FOXK1: variants seen among roughly 807,000 people sequenced by gnomAD.
FOXK1 encodes the protein forkhead box K1.
In FOXK1, 19 loss-of-function variants were observed where a neutral mutation model predicts 51.9. The ratio of observed to expected loss-of-function variants is 0.37; its 90% confidence interval spans 0.26 to 0.54. FOXK1 has a LOEUF of 0.54. Among genes scored for constraint, FOXK1 ranks in the 20% least tolerant of loss-of-function variants. The pLI is 0.87. For synonymous variants in FOXK1, 537 were observed against 482.6 expected (o/e 1.11, Z -1.48); for missense variants, 870 against 1,032.7 (o/e 0.84, Z 2.16).
At position 4,747,631 on chromosome 7, in the gene FOXK1, G is replaced by T. The variant is rs573584760; in HGVS notation, c.746+6608G>T. 6.6e-6 allele frequency among the ~76,000 whole-genome samples: 1 copy of T among 151,572 alleles called. No homozygotes were observed. Among genetic ancestry groups the T allele is most frequent in the Non-Finnish European group, 1.5e-5 (1 of 67,894 alleles). On this transcript the variant is annotated intron_variant, in intron 2 of 8. Coordinates refer to ENST00000328914, the MANE Select transcript of FOXK1 (RefSeq NM_001037165.2). This position sits in a 1 kb window ranked among gnomAD's most constrained non-coding sequence, Gnocchi z 9.2. The stretch of plus-strand genomic sequence containing the variant: ...GCTCACTGCAACCTCAACCTCCCGG[G>T]CTCAAGCGATCCTCCCACTGCAGCC...
chr7:4,732,549 C>T (rs1225940205), intron 1 of FOXK1, among the ~76,000 whole-genome samples: 2 of 152,184 alleles, frequency 1.3e-5, no homozygotes, highest in African/African-American at 4.8e-5. Flanking sequence ...CCACCTCAGC[C>T]TTCCAAAGCG....
intron 1 of FOXK1, among the ~76,000 whole-genome samples, chr7:4,694,935 G>A (rs1779934499): frequency 6.6e-6 from 1 of 152,226 alleles, no homozygotes; most frequent in Non-Finnish European, 1.5e-5. Context: ...TGAAATTAGG[G>A]AACCTCCTGC....
At chr7:4,744,688 A>T (rs1440081003) in intron 2 of FOXK1, among the ~76,000 whole-genome samples, 1 of 152,226 alleles carries the variant, frequency 6.6e-6, no homozygotes, top group Non-Finnish European at 1.5e-5. Flanking sequence ...TGTGACTGCG[A>T]GTCCCCGTCA....
chr7:4,683,442 C>T lies in FOXK1; in HGVS notation c.560+574C>T, dbSNP rs1326582050. Among the ~76,000 whole-genome samples, 2 of 151,948 alleles carry T rather than the reference C, an allele frequency of 1.3e-5. No homozygotes were observed. Among genetic ancestry groups the T allele is most frequent in the Non-Finnish European group, 2.9e-5 (2 of 67,942 alleles). On this transcript the variant is annotated intron_variant, in intron 1 of 8. Transcript: ENST00000328914. This position sits in a 1 kb window ranked among gnomAD's most constrained non-coding sequence, Gnocchi z 4.5. ...CTTCCTAGGCCCCCCCGGAGTCACC[C>T]CTGACCGCTAACCCCACAAGCCTGG...
In FOXK1 at chr7:4,759,293, T is replaced by C; in HGVS notation, c.1412-18T>C. ...GGGTGCGGGAGGGGTCACCGTCCGC[T>C]CTCCGCCCTCCGTGCAGGCTCCCCC... On this transcript the variant is annotated intron_variant, in intron 6 of 8. Transcript: ENST00000328914. 2 of 1,601,672 alleles carry C rather than the reference T, an allele frequency of 1.2e-6. No individual in the cohort carries two copies. The highest frequency in any genetic ancestry group is 1.1e-5 in the South Asian group (1 of 90,810).
chr7:4,726,058 G>A (rs1780377417), intron 1 of FOXK1, among the ~76,000 whole-genome samples: 3 of 152,066 alleles, frequency 2.0e-5, no homozygotes, highest in African/African-American at 7.2e-5. Flanking sequence ...CTCTCTGTTG[G>A]GGTGTGATTG....
At position 4,739,097 on chromosome 7, in the gene FOXK1, A is replaced by G. The variant is rs113410460; in HGVS notation, c.561-1741A>G. On this transcript the variant is annotated intron_variant, in intron 1 of 8. Coordinates refer to ENST00000328914, the MANE Select transcript of FOXK1 (RefSeq NM_001037165.2). ...GAGGGGTGTCTGCGCACGTCCATGC[A>G]GGATTTTACGTAGATTGACTATTTA... Among the ~76,000 whole-genome samples the G allele has an allele frequency of 3.4e-3, 524 of 152,322 alleles. 3 individuals are homozygous for G. Among genetic ancestry groups the G allele is most frequent in the African/African-American group, 0.012 (489 of 41,574 alleles).
At chr7:4,689,931 G>A (rs926394026) in intron 1 of FOXK1, among the ~76,000 whole-genome samples, 1 of 152,148 alleles carries the variant, frequency 6.6e-6, no homozygotes, top group African/African-American at 2.4e-5. Context: ...TGCTGAGCTG[G>A]GCTTTGCACT....
chr7:4,694,156 G>A (rs1002260708), intron 1 of FOXK1, among the ~76,000 whole-genome samples: 2 of 152,196 alleles, frequency 1.3e-5, no homozygotes, highest in African/African-American at 4.8e-5. Flanking sequence ...CAAAATGCTG[G>A]GATTATAGGC....
intron 1 of FOXK1, among the ~76,000 whole-genome samples, chr7:4,724,290 G>T (rs1348338488): frequency 6.6e-6 from 1 of 152,140 alleles, no homozygotes; most frequent in African/African-American, 2.4e-5. Flanking sequence ...CCGTCTCCCG[G>T]GTTCCGGAGA....
Position 4,683,013 on chromosome 7 carries a change from C to A in FOXK1, c.560+145C>A. Reference sequence around the variant, plus strand: ...CCACCCCCGGTAACCCCCGACCGGCCTGGACTCCGGGGTCAACCCCGACCC... The same window carrying A: ...CCACCCCCGGTAACCCCCGACCGGCATGGACTCCGGGGTCAACCCCGACCC... On this transcript the variant is annotated intron_variant, in intron 1 of 8. Coordinates refer to ENST00000328914, the MANE Select transcript of FOXK1 (RefSeq NM_001037165.2). The surrounding 1 kb of genome is among the most constrained non-coding windows in gnomAD (Gnocchi z 4.5). 1 of 851,692 alleles carries A rather than the reference C, an allele frequency of 1.2e-6. No homozygotes were observed. 52.8% of individuals were successfully genotyped at this position (851,692 alleles called of 1,614,324 possible).
chr7:4,695,043 T>C (rs1396062273), intron 1 of FOXK1, among the ~76,000 whole-genome samples: 1 of 152,240 alleles, frequency 6.6e-6, no homozygotes, highest in East Asian at 1.9e-4. Context: ...TGATAGCTGA[T>C]ACTGCCAGAC....
Position 4,758,971 on chromosome 7 carries a change from T to C in FOXK1, c.1245-80T>C. 6.9e-7 allele frequency: 1 copy of C among 1,458,158 alleles called. No individual in the cohort carries two copies. Among genetic ancestry groups the C allele is most frequent in the Non-Finnish European group, 9.2e-7 (1 of 1,091,618 alleles). 90.3% of individuals were successfully genotyped at this position (1,458,158 alleles called of 1,614,324 possible). ...AGGGAGCGTGGGCGGGTGACGGCGC[T>C]GAGATGCGTGATGTCTCGGAAACGT... On this transcript the variant is annotated intron_variant, in intron 5 of 8. Transcript: ENST00000328914. The surrounding 1 kb of genome is among the most constrained non-coding windows in gnomAD (Gnocchi z 4.4).
Position 4,756,445 on chromosome 7 carries a change from T to G in FOXK1, c.1051-549T>G, listed in dbSNP as rs1162040449. Among the ~76,000 whole-genome samples the G allele has an allele frequency of 6.6e-6, 1 of 151,706 alleles. No homozygotes were observed. Among genetic ancestry groups the G allele is most frequent in the Non-Finnish European group, 1.5e-5 (1 of 67,920 alleles). ...CCCAGTGTTTTCTTTCTCCCAGATG[T>G]GCTCCTAGACCAGGATCTGTCTTTC... is the stretch of plus-strand genomic sequence containing the variant. On this transcript the variant is annotated intron_variant, in intron 4 of 8. Transcript: ENST00000328914. This position sits in a 1 kb window ranked among gnomAD's most constrained non-coding sequence, Gnocchi z 4.1.
intron 1 of FOXK1, among the ~76,000 whole-genome samples, chr7:4,738,062 C>CAA (rs1583202877): frequency 6.7e-6 from 1 of 148,598 alleles, no homozygotes; most frequent in East Asian, 2.0e-4. Context: ...GCTGAGGTTG[C>CAA]GGTGAGCCAA....
intron 2 of FOXK1, among the ~76,000 whole-genome samples, chr7:4,750,186 A>G (rs564772719): frequency 3.9e-5 from 6 of 152,116 alleles, no homozygotes; most frequent in African/African-American, 1.2e-4. Context: ...TCAGCCTCCA[A>G]TCGGGGGGCA....
At chr7:4,708,156 G>A (rs1780128863) in intron 1 of FOXK1, among the ~76,000 whole-genome samples, 1 of 152,108 alleles carries the variant, frequency 6.6e-6, no homozygotes. Flanking sequence ...TCTTTGAAGG[G>A]CCCGAGTCTT....
At chr7:4,684,348 G>T (rs528147466) in intron 1 of FOXK1, among the ~76,000 whole-genome samples, 42 of 152,310 alleles carry the variant, frequency 2.8e-4, no homozygotes, top group Admixed American at 2.7e-3. Flanking sequence ...CCCAAAGTTT[G>T]TGTCTGTAAA....
At position 4,682,775 on chromosome 7, in the gene FOXK1, C is replaced by T; in HGVS notation, c.467C>T (p.Pro156Leu). 6.3e-7 allele frequency: 1 copy of T among 1,594,998 alleles called. No individual in the cohort carries two copies. Among genetic ancestry groups the T allele is most frequent in the Non-Finnish European group, 8.5e-7 (1 of 1,176,416 alleles). The change falls in exon 1 of 9, where the codon CCG (proline) becomes CTG (leucine). Residue 156 changes from proline to leucine, a missense_variant. Coordinates refer to ENST00000328914, the MANE Select transcript of FOXK1 (RefSeq NM_001037165.2). The surrounding 1 kb of genome is among the most constrained non-coding windows in gnomAD (Gnocchi z 7.6). ...CACCTGCAGCTCAGCTTCCAGGAGC[C>T]GCACTTCTACCTGCGCTGCCTCGGC... ...RRHLQLSFQE[P>L]HFYLRCLGKN... is the part of the protein sequence containing the mutation.
Sources: gnomAD v4.1 joint callset for allele counts (sites outside exome capture counted in the v4.1 genomes callset) on GRCh38, gnomAD v4.1.1 for gene constraint, Gnocchi (gnomAD v3.1) non-coding constraint, MANE v1.5 for transcripts, NCBI Gene and HGNC (gene_info 2026-07-23, HGNC 2026-07-21) for gene names.